Variants in NLRP14 observed in about 807,000 individuals in gnomAD.
NLRP14 encodes the protein NACHT, LRR and PYD domains-containing protein 14.
In NLRP14, 105 loss-of-function variants were observed where a neutral mutation model predicts 94.7. The ratio of observed to expected loss-of-function variants is 1.11; its 90% CI spans 0.95 to 1.30. The LOEUF (loss-of-function observed/expected upper bound fraction) is 1.30, where lower values mean the gene tolerates loss of function less well. NLRP14 is among the 50% of genes most tolerant of loss of function. The pLI is 0.00. For missense variants in NLRP14, 1,362 were observed against 1,254.1 expected, an observed-to-expected ratio of 1.09 and a Z score of -1.30; for synonymous variants, 508 against 459.9, an observed-to-expected ratio of 1.10 and a Z score of -1.34.
Position 7,071,295 on chromosome 11 carries a change from G to T in NLRP14, c.3269G>T (p.Trp1090Leu), listed in dbSNP as rs760864688. The change falls in exon 12 of 12, where the codon TGG becomes TTG. Residue 1090 changes from tryptophan (W) to leucine (L), a missense_variant. Trp to Leu is a moderately conservative substitution (Grantham distance 61). Coordinates refer to ENST00000299481, the MANE Select transcript of NLRP14 (RefSeq NM_176822.4). ...CATAATGAAGAAGATGTGTCTTGGT[G>T]GTGGTGTTTCTGATTTGAAGAAACT... ...NYHNEEDVSW[W>L]WCF The T allele has an allele frequency of 1.2e-6, 2 of 1,612,766 alleles. No individual in the cohort carries two copies. The highest frequency in any genetic ancestry group is 1.7e-6 in the Non-Finnish European group (2 of 1,179,280).
intron 10 of NLRP14, among the ~76,000 whole-genome samples, chr11:7,069,148 AATGATT>A (rs1259623259): frequency 1.3e-5 from 2 of 152,202 alleles, no homozygotes; most frequent in African/African-American, 4.8e-5. Context: ...GAAAATATAA[AATGATT>A]ATATTTCCTG....
chr11:7,071,257 A>G lies in NLRP14; in HGVS notation c.3231A>G (p.Pro1077=). 1 of 1,613,424 alleles carries G rather than the reference A, an allele frequency of 6.2e-7. No homozygotes were observed. The highest frequency in any genetic ancestry group is 2.2e-5 in the East Asian group (1 of 44,798). The change falls in exon 12 of 12, where the codon CCA becomes CCG. Residue 1077 remains proline (P), a synonymous_variant. Coordinates refer to ENST00000299481, the MANE Select transcript of NLRP14 (RefSeq NM_176822.4). The part of the protein sequence containing the change: ...GVSNPHLIIK[P]DCNYHNEEDV... The stretch of plus-strand genomic sequence containing the variant: ...GCAATCCACACTTAATCATTAAGCC[A>G]GATTGTAACTATCATAATGAAGAAG...
intron 6 of NLRP14, among the ~76,000 whole-genome samples, chr11:7,052,607 C>A (rs1462637450): frequency 6.6e-6 from 1 of 152,088 alleles, no homozygotes; most frequent in Admixed American, 6.5e-5. Flanking sequence ...GCACTCCAGT[C>A]TGGGCAACAG....
At chr11:7,074,465 C>G (rs761149481), downstream of NLRP14, among the ~76,000 whole-genome samples, 2 of 152,236 alleles carry the variant, frequency 1.3e-5, no homozygotes, top group Non-Finnish European at 2.9e-5. Context: ...CTGCAGTCAT[C>G]GTCTCATCCT....
chr11:7,081,314 C>G, the NLRP14 span, among the ~76,000 whole-genome samples: 1 of 151,810 alleles, frequency 6.6e-6, no homozygotes, highest in African/African-American at 2.4e-5. Flanking sequence ...AGACAGAATC[C>G]TGGTCTGAGC....
the NLRP14 span, among the ~76,000 whole-genome samples, chr11:7,078,169 T>G: frequency 6.6e-6 from 1 of 152,112 alleles, no homozygotes; most frequent in Non-Finnish European, 1.5e-5. Context: ...CTGGGTGCGG[T>G]GGCTCATGCC....
rs201402681 is a variant in NLRP14 at position 7,058,404 on chromosome 11, A to T, written c.2587A>T (p.Met863Leu). 1 of 1,612,882 alleles carries T rather than the reference A, an allele frequency of 6.2e-7. No individual in the cohort carries two copies. Among genetic ancestry groups the T allele is most frequent in the East Asian group, 2.2e-5 (1 of 44,860 alleles). The change falls in exon 8 of 12, where the codon ATG (methionine) becomes TTG (leucine). Residue 863 changes from methionine (M) to leucine (L), a missense_variant. Transcript: ENST00000299481. Reference protein sequence around the residue: ...NVLGDGGVKLMSDALQHAQCT... With the variant: ...NVLGDGGVKLLSDALQHAQCT... Reference sequence around the variant, plus strand: ...CTTGGGTGATGGTGGAGTAAAGCTTATGAGTGATGCCCTGCAACATGCACA... The same window carrying T: ...CTTGGGTGATGGTGGAGTAAAGCTTTTGAGTGATGCCCTGCAACATGCACA...
chr11:7,089,139 C>T, the NLRP14 span: 56 of 1,613,922 alleles, frequency 3.5e-5, 1 homozygote, highest in East Asian at 1.2e-3. Flanking sequence ...AGCGGATCGC[C>T]CGGGGAAGCT....
the NLRP14 span, chr11:7,090,029 A>C: frequency 1.2e-4 from 194 of 1,612,998 alleles, no homozygotes; most frequent in Non-Finnish European, 1.6e-4. Flanking sequence ...CATCTTACGG[A>C]GGAGGAGGCC....
intron 4 of NLRP14, 35 bp downstream of exon 4, chr11:7,044,019 T>A (rs1286596650): frequency 2.5e-6 from 4 of 1,600,690 alleles, no homozygotes; most frequent in Non-Finnish European, 3.4e-6. Context: ...GGAAGTGCCC[T>A]GTAAGGGAGA....
rs149541731 is a variant in NLRP14 at position 7,042,561 on chromosome 11, G to A, written c.535G>A (p.Val179Met). 6,173 of 1,614,254 alleles carry A rather than the reference G, an allele frequency of 3.8e-3. 55 individuals are homozygous for A. The highest frequency in any genetic ancestry group is 0.013 in the Middle Eastern group (78 of 6,062). ...CAAAACCGGTGCACAGCCACAGATC[G>A]TGGTGCTTCAGGGAGCTGCTGGAGT... ...DVKTGAQPQIVVLQGAAGVGK... is the reference protein window; with the variant it reads ...DVKTGAQPQIMVLQGAAGVGK... The change falls in exon 4 of 12, where the codon GTG becomes ATG. Residue 179 changes from valine to methionine, a missense_variant. Coordinates refer to ENST00000299481, the MANE Select transcript of NLRP14 (RefSeq NM_176822.4).
the NLRP14 span, chr11:7,089,289 G>C: frequency 3.1e-6 from 5 of 1,607,738 alleles, no homozygotes; most frequent in Non-Finnish European, 4.2e-6. Context: ...CGTCACCTTT[G>C]AAAGCCCCGC....
intron 1 of NLRP14, among the ~76,000 whole-genome samples, chr11:7,030,538 G>A (rs1241873045): frequency 6.7e-6 from 1 of 150,310 alleles, no homozygotes; most frequent in Non-Finnish European, 1.5e-5. Flanking sequence ...CCCCAGCGCT[G>A]TATTCCTTGC....
chr11:7,055,072 C>T (rs1454983940), intron 6 of NLRP14, among the ~76,000 whole-genome samples: 2 of 152,068 alleles, frequency 1.3e-5, no homozygotes, highest in African/African-American at 2.4e-5. Flanking sequence ...TCCTTTCCAC[C>T]ATATGTGTTC....
intron 8 of NLRP14, among the ~76,000 whole-genome samples, chr11:7,058,769 A>G (rs1852562976): frequency 6.6e-6 from 1 of 152,002 alleles, no homozygotes; most frequent in African/African-American, 2.4e-5. Flanking sequence ...CAAGAAAATG[A>G]TGAATTTAGA....
chr11:7,060,070 TTTTCTGTTGCTTTACTTTTGTGTAG>T lies in NLRP14; in HGVS notation c.2804+11_2804+35del, dbSNP rs1445478635. The T allele has an allele frequency of 1.9e-6, 3 of 1,611,294 alleles. No individual in the cohort carries two copies. Among genetic ancestry groups the T allele is most frequent in the Non-Finnish European group, 1.7e-6 (2 of 1,177,846 alleles). ...TGTAATCTTCAGGACTTGGAGTAGG[TTTTCTGTTGCTTTACTTTTGTGTAG>T]TTTCAACAACAGAGTGTCTGGGGAG... On this transcript the variant is annotated splice_region_variant and intron_variant, in intron 9 of 11. Coordinates refer to ENST00000299481, the MANE Select transcript of NLRP14 (RefSeq NM_176822.4).
At chr11:7,077,744 T>A in the NLRP14 span, among the ~76,000 whole-genome samples, 1 of 152,208 alleles carries the variant, frequency 6.6e-6, no homozygotes, top group Non-Finnish European at 1.5e-5. Context: ...AACCATCGGA[T>A]CTCATGAGAC....
intron 6 of NLRP14, among the ~76,000 whole-genome samples, chr11:7,053,650 C>T (rs757621492): frequency 1.1e-4 from 16 of 151,198 alleles, no homozygotes; most frequent in African/African-American, 1.9e-4. Context: ...TTTACTTTCA[C>T]TTCTGTATTT....
intron 10 of NLRP14, among the ~76,000 whole-genome samples, chr11:7,064,283 C>G (rs1389491183): frequency 2.0e-5 from 3 of 152,090 alleles, no homozygotes; most frequent in African/African-American, 7.2e-5. Flanking sequence ...TCAGGCACAG[C>G]AAAGTAGTTC....
Sources: allele counts gnomAD v4.1 joint callset (sites outside exome capture counted in the v4.1 genomes callset), GRCh38; gene constraint gnomAD v4.1.1; transcripts MANE v1.5; gene names NCBI Gene and HGNC (gene_info 2026-07-23, HGNC 2026-07-21).